The following GRID2 variants were observed in gnomAD, a reference collection of about 807,000 sequenced individuals.
The protein encoded by GRID2 is glutamate ionotropic receptor delta type subunit 2.
Under a neutral mutation model 114.8 loss-of-function variants are expected in GRID2, and 33 were observed. The ratio of observed to expected loss-of-function variants is 0.29; its 90% CI spans 0.22 to 0.38. The LOEUF (loss-of-function observed/expected upper bound fraction) is 0.38. Ranked by LOEUF, GRID2 falls within the 10% of genes least tolerant of loss-of-function variation. The probability of loss-of-function intolerance (pLI) is 1.00; values close to 1 mark genes in which losing one functional copy is unlikely to be tolerated. For synonymous variants in GRID2, 505 were observed against 449.9 expected (o/e 1.12, Z -1.55); for missense variants, 1,184 against 1,257.7 (o/e 0.94, Z 0.89).
intron 4 of GRID2, among the ~76,000 whole-genome samples, chr4:93,198,435 G>A (rs541158223): frequency 1.6e-4 from 25 of 152,252 alleles, no homozygotes; most frequent in African/African-American, 5.8e-4. Flanking sequence ...TAATGGAAGA[G>A]CAATCCAGGA....
intron 14 of GRID2, among the ~76,000 whole-genome samples, chr4:93,667,395 T>A (rs917218944): frequency 4.0e-5 from 6 of 151,896 alleles, no homozygotes; most frequent in African/African-American, 7.2e-5. Context: ...TCTCTTTTTT[T>A]TTTTTCCAAA....
At position 92,765,066 on chromosome 4, in the gene GRID2, T is replaced by C. The variant is rs111363410; in HGVS notation, c.244+174780T>C. On this transcript the variant is annotated intron_variant, in intron 2 of 15. Coordinates refer to ENST00000282020, the MANE Select transcript of GRID2 (RefSeq NM_001510.4). ...ACAATTTAAATATCAAAACATGATATTATTTTTCAGGCCTAAATGATAGTT... is the reference window on the plus strand; with the variant it reads ...ACAATTTAAATATCAAAACATGATACTATTTTTCAGGCCTAAATGATAGTT... Among the ~76,000 whole-genome samples, 217 of 152,294 alleles carry C rather than the reference T, an allele frequency of 1.4e-3. 1 individual carries two copies. Among genetic ancestry groups the C allele is most frequent in the African/African-American group, 4.9e-3 (202 of 41,562 alleles).
At chr4:92,865,135 C>T (rs772338183) in intron 2 of GRID2, among the ~76,000 whole-genome samples, 11 of 152,138 alleles carry the variant, frequency 7.2e-5, no homozygotes, top group Non-Finnish European at 1.6e-4. Context: ...ATAGATTGGT[C>T]CCCTTTGTAT....
intron 1 of GRID2, among the ~76,000 whole-genome samples, chr4:92,383,310 A>G (rs796128541): frequency 2.0e-5 from 3 of 152,032 alleles, no homozygotes; most frequent in Non-Finnish European, 4.4e-5. Flanking sequence ...TGTCTAATAA[A>G]CTAAATAGAC....
intron 2 of GRID2, among the ~76,000 whole-genome samples, chr4:92,675,561 T>G (rs1733305968): frequency 6.6e-6 from 1 of 151,042 alleles, no homozygotes. Flanking sequence ...ATTTTTTTTT[T>G]TTTTTTTGAG....
chr4:92,998,548 A>T (rs1424401747), intron 2 of GRID2, among the ~76,000 whole-genome samples: 1 of 152,026 alleles, frequency 6.6e-6, no homozygotes, highest in Non-Finnish European at 1.5e-5. Context: ...TTTTATATTC[A>T]GAAGGGAGGA....
intron 1 of GRID2, among the ~76,000 whole-genome samples, chr4:92,572,406 C>CA (rs200559949): frequency 6.6e-6 from 1 of 151,780 alleles, no homozygotes; most frequent in Non-Finnish European, 1.5e-5. Flanking sequence ...GCTTACCAAT[C>CA]AAAAAAAGTC....
rs560692720 is a variant in GRID2 at position 92,773,756 on chromosome 4, A to C, written c.244+183470A>C. 5.9e-5 allele frequency among the ~76,000 whole-genome samples: 9 copies of C among 152,214 alleles called. No homozygotes were observed. The South Asian group carries it at 1.9e-3, about 32-fold the overall frequency. ...AGGCCACAGTCACACTATATCCCTT[A>C]GCAATCATTTGGGAATAAAAGAAAA... On this transcript the variant is annotated intron_variant, in intron 2 of 15. Coordinates refer to ENST00000282020, the MANE Select transcript of GRID2 (RefSeq NM_001510.4).
At chr4:92,843,654 A>G (rs954764323) in intron 2 of GRID2, among the ~76,000 whole-genome samples, 9 of 152,136 alleles carry the variant, frequency 5.9e-5, no homozygotes, top group African/African-American at 1.4e-4. Flanking sequence ...TCTGCATCCA[A>G]TGTATTTCAG....
intron 2 of GRID2, among the ~76,000 whole-genome samples, chr4:92,921,981 T>G (rs184115313): frequency 0.015 from 2,264 of 152,232 alleles, 22 homozygotes; most frequent in East Asian, 0.053. Context: ...TCCTTGAGCT[T>G]TGGTGGGCTC....
intron 8 of GRID2, among the ~76,000 whole-genome samples, chr4:93,354,716 A>T (rs1458214984): frequency 2.8e-5 from 3 of 107,310 alleles, no homozygotes; most frequent in Non-Finnish European, 3.9e-5. Flanking sequence ...GTGTGTGTGT[A>T]ATCTTTATGT....
chr4:92,575,689 G>A (rs1727855078), intron 1 of GRID2, among the ~76,000 whole-genome samples: 1 of 152,150 alleles, frequency 6.6e-6, no homozygotes, highest in South Asian at 2.1e-4. Flanking sequence ...GATACTGACT[G>A]GTTGCCAGCC....
At chr4:93,272,905 G>C (rs1751621092) in intron 8 of GRID2, among the ~76,000 whole-genome samples, 2 of 152,128 alleles carry the variant, frequency 1.3e-5, no homozygotes, top group Admixed American at 1.3e-4. Context: ...ATGCCTCAAT[G>C]ACAAAATTGT....
rs373272993 is a variant in GRID2 at position 92,304,617 on chromosome 4, G to A, written c.-40G>A. 2 of 1,419,806 alleles carry A rather than the reference G, an allele frequency of 1.4e-6. No homozygotes were observed. 88.0% of individuals were successfully genotyped at this position (1,419,806 alleles called of 1,614,324 possible). On this transcript the variant is annotated 5_prime_UTR_variant, in exon 1 of 16. Transcript: ENST00000282020. ...GGACTGTTTGAAAAAAAAAAAATTG[G>A]AAGAAAATCCATCCTCCAAGAGAAT...
chr4:92,330,155 T>C (rs1467703374), intron 1 of GRID2, among the ~76,000 whole-genome samples: 1 of 152,106 alleles, frequency 6.6e-6, no homozygotes, highest in Non-Finnish European at 1.5e-5. Flanking sequence ...GTGGGCCACA[T>C]TGCACTATGA....
intron 1 of GRID2, among the ~76,000 whole-genome samples, chr4:93,794,470 G>A (rs747598318): frequency 6.6e-6 from 1 of 152,298 alleles, no homozygotes; most frequent in African/African-American, 2.4e-5. Flanking sequence ...GAAAGGAGCC[G>A]TGGAGAGGCA....
At chr4:92,318,687 T>A (rs1303874846) in intron 1 of GRID2, among the ~76,000 whole-genome samples, 1 of 151,738 alleles carries the variant, frequency 6.6e-6, no homozygotes, top group Non-Finnish European at 1.5e-5. Flanking sequence ...TTGCCCAAGC[T>A]GGTCTCAAAC....
At chr4:93,000,821 T>A (rs950188824) in intron 2 of GRID2, among the ~76,000 whole-genome samples, 2 of 5,486 alleles carry the variant, frequency 3.6e-4, no homozygotes, top group Non-Finnish European at 8.0e-4. Context: ...GGAGGGTGGG[T>A]GGGAGAAGGG....
At position 92,690,553 on chromosome 4, in the gene GRID2, T is replaced by C. The variant is rs576491936; in HGVS notation, c.244+100267T>C. On this transcript the variant is annotated intron_variant, in intron 2 of 15. Transcript: ENST00000282020. ...ACACAGTCATGAAGTGATCACACAC[T>C]GTTGGAAAAATGGTGCCAATAGATT... Among the ~76,000 whole-genome samples, 12 of 152,292 alleles carry C rather than the reference T, an allele frequency of 7.9e-5. No homozygotes were observed. In the South Asian group the frequency reaches 2.1e-3, roughly 26 times the overall value.
Sources: allele counts gnomAD v4.1 joint callset (sites outside exome capture counted in the v4.1 genomes callset), GRCh38; gene constraint gnomAD v4.1.1; transcripts MANE v1.5; gene names NCBI Gene and HGNC (gene_info 2026-07-23, HGNC 2026-07-21).